The following ATP6V0A4 variants were observed in gnomAD, a reference collection of about 807,000 sequenced individuals.
ATP6V0A4 encodes the protein ATPase H+ transporting V0 subunit a4.
A neutral mutation model predicts 107.3 loss-of-function variants in ATP6V0A4; 86 were observed. The ratio of observed to expected loss-of-function variants is 0.80; its 90% confidence interval spans 0.67 to 0.96. ATP6V0A4 has a LOEUF of 0.96. ATP6V0A4 is among the 40% of genes least tolerant of loss of function. ATP6V0A4 has a pLI of 0.00. For synonymous variants in ATP6V0A4, 353 were observed against 381.4 expected (o/e 0.93, Z 0.87); for missense variants, 908 against 1,045.6 (o/e 0.87, Z 1.81).
chr7:138,734,843 C>T (rs1260088725), intron 15 of ATP6V0A4, among the ~76,000 whole-genome samples: 2 of 151,728 alleles, frequency 1.3e-5, no homozygotes, highest in Non-Finnish European at 2.9e-5. Context: ...CTCAAACTTG[C>T]CTCAGTTTCC....
chr7:138,724,677 G>A (rs541372642), intron 18 of ATP6V0A4, among the ~76,000 whole-genome samples: 3 of 152,280 alleles, frequency 2.0e-5, no homozygotes, highest in South Asian at 2.1e-4. Context: ...TTGTCATCTC[G>A]AAATCCTATT....
At chr7:138,734,393 A>T in intron 15 of ATP6V0A4, 139 bp from the exon 16 acceptor site, 1 of 1,394,168 alleles carries the variant, frequency 7.2e-7, no homozygotes, top group South Asian at 1.2e-5. Flanking sequence ...CTCAATGCAT[A>T]CATTTTAGAG....
At chr7:138,778,623 G>C (rs917669667) in intron 2 of ATP6V0A4, among the ~76,000 whole-genome samples, 2 of 152,132 alleles carry the variant, frequency 1.3e-5, no homozygotes, top group African/African-American at 4.8e-5. Flanking sequence ...AAAGGACCAG[G>C]AAAGGGGCAG....
intron 9 of ATP6V0A4, 76 bp downstream of exon 9, chr7:138,756,382 T>C: frequency 6.2e-7 from 1 of 1,608,316 alleles, no homozygotes. Context: ...CACAGTCATG[T>C]GCATTTGGCA....
At chr7:138,750,396 A>C (rs1806161804) in intron 11 of ATP6V0A4, among the ~76,000 whole-genome samples, 1 of 152,030 alleles carries the variant, frequency 6.6e-6, no homozygotes, top group Non-Finnish European at 1.5e-5. Context: ...GACTACAGCC[A>C]TACAGTGCTA....
chr7:138,784,234 ACG>A (rs368748282), intron 2 of ATP6V0A4, among the ~76,000 whole-genome samples: 23,851 of 71,688 alleles, frequency 0.33, 2,866 homozygotes, highest in African/African-American at 0.44. Context: ...ATATATATAT[ACG>A]TATATATATA....
chr7:138,721,888 C>T lies in ATP6V0A4; in HGVS notation c.2139+9G>A. 2 of 1,614,060 alleles carry T rather than the reference C, an allele frequency of 1.2e-6. No homozygotes were observed. Among genetic ancestry groups the T allele is most frequent in the Non-Finnish European group, 1.7e-6 (2 of 1,179,962 alleles). ...GGGAGTCTTCCTCAGGGGCTCTCGT[C>T]CCAGATACCTCTTCTCCATGGTCGT... On this transcript the variant is annotated intron_variant, in intron 19 of 21. Coordinates refer to ENST00000310018, the MANE Select transcript of ATP6V0A4 (RefSeq NM_020632.3).
At chr7:138,779,541 T>C (rs535711909) in intron 2 of ATP6V0A4, among the ~76,000 whole-genome samples, 81 of 152,290 alleles carry the variant, frequency 5.3e-4, no homozygotes, top group African/African-American at 1.9e-3. Context: ...GACCATAAAA[T>C]TAACCTTTCC....
At chr7:138,758,994 G>A (rs1306821561) in intron 8 of ATP6V0A4, among the ~76,000 whole-genome samples, 3 of 145,586 alleles carry the variant, frequency 2.1e-5, no homozygotes, top group African/African-American at 7.6e-5. Flanking sequence ...CAGGTGATCC[G>A]CCCACCTCGG....
intron 17 of ATP6V0A4, among the ~76,000 whole-genome samples, chr7:138,729,406 C>T (rs182307627): frequency 6.6e-6 from 1 of 152,348 alleles, no homozygotes; most frequent in East Asian, 1.9e-4. Context: ...CTCACCATCG[C>T]TACCTGACTT....
chr7:138,752,966 T>C lies in ATP6V0A4; in HGVS notation c.817-129A>G, dbSNP rs982743290. ...GGCAGGCTCCTTTGACCTGTGGCTGTCACCTGGCCTTGAACTCTCCTGAGC... is the reference window on the plus strand; with the variant it reads ...GGCAGGCTCCTTTGACCTGTGGCTGCCACCTGGCCTTGAACTCTCCTGAGC... On this transcript the variant is annotated intron_variant, in intron 10 of 21. Transcript: ENST00000310018. 110 of 1,521,046 alleles carry C rather than the reference T, an allele frequency of 7.2e-5. No individual in the cohort carries two copies. The African/African-American group carries it at 1.3e-3, about 19-fold the overall frequency. 94.2% of individuals were successfully genotyped at this position (1,521,046 alleles called of 1,614,324 possible).
At chr7:138,740,078 G>A (rs75362453) in intron 14 of ATP6V0A4, among the ~76,000 whole-genome samples, 1 of 140,840 alleles carries the variant, frequency 7.1e-6, no homozygotes, top group Non-Finnish European at 1.5e-5. Flanking sequence ...CTGGGCAACA[G>A]AGTGAGACTC....
At position 138,748,944 on chromosome 7, in the gene ATP6V0A4, G is replaced by A. The variant is rs114919266; in HGVS notation, c.1180+223C>T. Among the ~76,000 whole-genome samples, 406 of 152,250 alleles carry A rather than the reference G, an allele frequency of 2.7e-3. 3 individuals carry two copies. Among genetic ancestry groups the A allele is most frequent in the African/African-American group, 8.9e-3 (368 of 41,556 alleles). On this transcript the variant is annotated intron_variant, in intron 12 of 21. Coordinates refer to ENST00000310018, the MANE Select transcript of ATP6V0A4 (RefSeq NM_020632.3). Reference sequence around the variant, plus strand: ...ACAAAGAACAATTCTTTCACCAATCGGCATTTATAGACGACACCACAGGGT... The same window carrying A: ...ACAAAGAACAATTCTTTCACCAATCAGCATTTATAGACGACACCACAGGGT...
At chr7:138,720,047 TGTCAGCATAG>T (rs1387065440) in intron 19 of ATP6V0A4, among the ~76,000 whole-genome samples, 3 of 150,360 alleles carry the variant, frequency 2.0e-5, no homozygotes, top group Non-Finnish European at 4.4e-5. Context: ...CAAAAACAAC[TGTCAGCATAG>T]CACTTTCCGG....
intron 2 of ATP6V0A4, among the ~76,000 whole-genome samples, chr7:138,784,214 TTATA>T (rs1211079839): frequency 2.2e-4 from 18 of 83,546 alleles, no homozygotes; most frequent in African/African-American, 9.8e-4. Flanking sequence ...TCCTTAAACA[TTATA>T]TATATATATA....
chr7:138,706,355 G>C lies in ATP6V0A4; in HGVS notation c.*269C>G, dbSNP rs1803364378. ...TTTAAAATATTGCAAGAAGACATCT[G>C]TTTAGCATTCTCCCCTCATTTGTCA... On this transcript the variant is annotated 3_prime_UTR_variant, in exon 22 of 22. Coordinates refer to ENST00000310018, the MANE Select transcript of ATP6V0A4 (RefSeq NM_020632.3). The C allele has an allele frequency of 2.1e-6, 1 of 476,642 alleles. No homozygotes were observed. The highest frequency in any genetic ancestry group is 2.0e-5 in the African/African-American group (1 of 51,268). 29.5% of individuals were successfully genotyped at this position (476,642 alleles called of 1,614,324 possible).
intron 14 of ATP6V0A4, among the ~76,000 whole-genome samples, chr7:138,742,900 CAAAAAAAAA>C (rs563017805): frequency 3.8e-5 from 5 of 131,684 alleles, no homozygotes; most frequent in Non-Finnish European, 6.3e-5. Flanking sequence ...AATTGCAAAG[CAAAAAAAAA>C]AAAAAATCAC....
chr7:138,793,539 C>T (rs996820207), intron 1 of ATP6V0A4, among the ~76,000 whole-genome samples: 3 of 152,156 alleles, frequency 2.0e-5, no homozygotes, highest in Admixed American at 1.3e-4. Context: ...ACAATTAGCA[C>T]TCTTGATCTA....
At chr7:138,735,576 C>T (rs936977551) in intron 15 of ATP6V0A4, among the ~76,000 whole-genome samples, 8 of 152,144 alleles carry the variant, frequency 5.3e-5, no homozygotes, top group African/African-American at 1.9e-4. Context: ...CAGAGGGGCA[C>T]CCACTGAGGA....
Sources: allele counts gnomAD v4.1 joint callset (sites outside exome capture counted in the v4.1 genomes callset), GRCh38; gene constraint gnomAD v4.1.1; transcripts MANE v1.5; gene names NCBI Gene and HGNC (gene_info 2026-07-23, HGNC 2026-07-21).